Variants in MYH6 observed in about 807,000 individuals in gnomAD.
MYH6 encodes myosin-6.
A neutral mutation model predicts 223.2 loss-of-function variants in MYH6; 126 were observed. That is an observed-to-expected ratio of 0.56 (90% CI 0.49 to 0.65). MYH6 has a LOEUF of 0.65. Among genes scored for constraint, MYH6 ranks in the 30% least tolerant of loss-of-function variants. The pLI is 0.00. For synonymous variants in MYH6, 978 were observed against 1,010.2 expected (o/e 0.97, Z 0.61); for missense variants, 2,040 against 2,536.4 (o/e 0.80, Z 4.20).
At chr14:23,396,167 G>C in intron 20 of MYH6, 117 bp downstream of exon 20, 1 of 1,318,114 alleles carries the variant, frequency 7.6e-7, no homozygotes, top group Non-Finnish European at 1.1e-6. Flanking sequence ...AAGTGGTAAA[G>C]TAACTTGCCC....
intron 20 of MYH6, 57 bp from the exon 21 acceptor site, chr14:23,394,380 T>C: frequency 6.2e-7 from 1 of 1,609,132 alleles, no homozygotes; most frequent in South Asian, 1.1e-5. Flanking sequence ...TTCCCAATCA[T>C]GGGCCCTACT....
Position 23,386,411 on chromosome 14 carries a change from T to C in MYH6, c.4863A>G (p.Glu1621=), listed in dbSNP as rs1595049480. ...NEVLRVKKKM[E]GDLNEMEIQL... is the part of the protein sequence containing the mutation. Reference sequence around the variant, plus strand: ...GGATCTCCATCTCATTGAGGTCTCCTTCCATCTTCTTCTTCACCCTCAGGA... The same window carrying C: ...GGATCTCCATCTCATTGAGGTCTCCCTCCATCTTCTTCTTCACCCTCAGGA... Residue 1621 remains glutamate, a synonymous_variant, in exon 33 of 39, where the codon GAA becomes GAG. Transcript: ENST00000405093. 3 of 1,614,178 alleles carry C rather than the reference T, an allele frequency of 1.9e-6. No individual in the cohort carries two copies. Among genetic ancestry groups the C allele is most frequent in the Non-Finnish European group, 2.5e-6 (3 of 1,180,024 alleles).
intron 15 of MYH6, among the ~76,000 whole-genome samples, chr14:23,398,448 C>A (rs1229244400): frequency 2.0e-5 from 3 of 152,212 alleles, no homozygotes; most frequent in Non-Finnish European, 4.4e-5. Flanking sequence ...TCGTTCCCTG[C>A]TGGGCATGGT....
At chr14:23,385,521 G>A (rs1285764841) in intron 34 of MYH6, among the ~76,000 whole-genome samples, 6 of 151,292 alleles carry the variant, frequency 4.0e-5, no homozygotes, top group African/African-American at 1.5e-4. Context: ...TCATTGCAGA[G>A]TATAACTGAA....
intron 25 of MYH6, 60 bp from the exon 26 acceptor site, chr14:23,390,506 G>A (rs537378522): frequency 1.3e-5 from 20 of 1,585,822 alleles, no homozygotes; most frequent in South Asian, 7.9e-5. Flanking sequence ...GAATCCCCCC[G>A]GCTCTGAAAA....
chr14:23,402,439 A>G (rs777551229), intron 12 of MYH6, 25 bp downstream of exon 12: 4 of 1,611,542 alleles, frequency 2.5e-6, no homozygotes, highest in South Asian at 1.1e-5. Flanking sequence ...AGGCCTTCCC[A>G]GGGCTGCCTG....
chr14:23,397,948 T>TCTTCTC (rs1891462311), intron 15 of MYH6, among the ~76,000 whole-genome samples: 1 of 72,286 alleles, frequency 1.4e-5, no homozygotes, highest in Admixed American at 1.5e-4. Context: ...TTCTTCTTCT[T>TCTTCTC]CTTCTTCTTC....
chr14:23,397,940 C>CTTCTTCTTCTTCTTCTTT (rs1891458480), intron 15 of MYH6, among the ~76,000 whole-genome samples: 5 of 53,250 alleles, frequency 9.4e-5, no homozygotes, highest in South Asian at 7.4e-4. Flanking sequence ...TCCTCTTCTT[C>CTTCTTCTTCTTCTTCTTT]TTCTTCTTCT....
chr14:23,383,339 G>GGGGGGCA lies in MYH6; in HGVS notation c.5566-20_5566-19insTGCCCCC. On this transcript the variant is annotated intron_variant, in intron 36 of 38. Coordinates refer to ENST00000405093, the MANE Select transcript of MYH6 (RefSeq NM_002471.4). The stretch of plus-strand genomic sequence containing the variant: ...CCTCTGTCTGGGGGTGGGAGGGTGG[G>GGGGGGCA]AGAAGCTGGTTTGGAGGGGGAGCAA... 9.2e-6 allele frequency: 1 copy of GGGGGGCA among 108,202 alleles called. No homozygotes were observed. The highest frequency in any genetic ancestry group is 1.8e-5 in the Non-Finnish European group (1 of 54,384). The allele number at this position is 108,202 out of a possible 1,614,324, so 6.7% of individuals were successfully genotyped here.
At chr14:23,390,801 A>G (rs1891216896) in intron 25 of MYH6, among the ~76,000 whole-genome samples, 1 of 152,182 alleles carries the variant, frequency 6.6e-6, no homozygotes, top group South Asian at 2.1e-4. Flanking sequence ...CTGTGAGATC[A>G]AGAAGTTCAG....
intron 20 of MYH6, 124 bp downstream of exon 20, chr14:23,396,159 GT>G (rs1891387202): frequency 8.6e-7 from 1 of 1,166,376 alleles, no homozygotes; most frequent in Non-Finnish European, 1.3e-6. Flanking sequence ...GAGATTCGAA[GT>G]GGTAAAGTAA....
intron 20 of MYH6, 133 bp from the exon 21 acceptor site, chr14:23,394,456 A>G: frequency 2.6e-6 from 3 of 1,168,454 alleles, no homozygotes; most frequent in Non-Finnish European, 3.6e-6. Context: ...ACTACACTGA[A>G]CATGGAGTTG....
intron 24 of MYH6, 117 bp from the exon 25 acceptor site, chr14:23,392,769 A>G: frequency 1.4e-6 from 2 of 1,475,500 alleles, no homozygotes; most frequent in South Asian, 2.3e-5. Context: ...TCGCCAGCCC[A>G]GAAAGTGGCG....
chr14:23,406,761 C>T (rs1027398795), intron 3 of MYH6, among the ~76,000 whole-genome samples: 3 of 152,250 alleles, frequency 2.0e-5, no homozygotes, highest in South Asian at 4.1e-4. Flanking sequence ...TCTACAAGAC[C>T]CCTCTTAGGC....
chr14:23,382,349 G>A, intron 38 of MYH6, 79 bp downstream of exon 38: 1 of 1,593,330 alleles, frequency 6.3e-7, no homozygotes. Flanking sequence ...AGGGCAAGCA[G>A]TGCCCACTCT....
chr14:23,399,083 C>T, intron 14 of MYH6, 46 bp from the exon 15 acceptor site: 3 of 1,605,904 alleles, frequency 1.9e-6, no homozygotes, highest in Non-Finnish European at 2.6e-6. Context: ...TGAGCACACT[C>T]CCAGGCTTCC....
Position 23,391,737 on chromosome 14 carries a change from A to G in MYH6, c.3342+825T>C, listed in dbSNP as rs138770783. On this transcript the variant is annotated intron_variant, in intron 25 of 38. Coordinates refer to ENST00000405093, the MANE Select transcript of MYH6 (RefSeq NM_002471.4). ...GGCCATGTAGCTTCTGTAGCTCTAT[A>G]ATGGGGATGGCAGTGGACTTCCAGG... is the stretch of plus-strand genomic sequence containing the variant. Among the ~76,000 whole-genome samples the G allele has an allele frequency of 3.9e-5, 6 of 152,214 alleles. No individual in the cohort carries two copies. The East Asian group carries it at 1.2e-3, about 29-fold the overall frequency.
At position 23,404,388 on chromosome 14, in the gene MYH6, C is replaced by T. The variant is rs940466173; in HGVS notation, c.643G>A (p.Gly215Ser). The T allele has an allele frequency of 1.9e-6, 3 of 1,614,034 alleles. No individual in the cohort carries two copies. The highest frequency in any genetic ancestry group is 1.3e-5 in the African/African-American group (1 of 74,922). Residue 215 changes from glycine (G) to serine (S), a missense_variant and splice_region_variant, in exon 8 of 39, where the codon GGC (glycine) becomes AGC (serine). Coordinates refer to ENST00000405093, the MANE Select transcript of MYH6 (RefSeq NM_002471.4). ...TGGATGATCTGGTCCTCCAGGGTGC[C>T]CTATGAAAGGAGCAGAACTGCATGG... ...GKKDNANANK[G>S]TLEDQIIQAN...
intron 15 of MYH6, among the ~76,000 whole-genome samples, chr14:23,397,929 CTCCTCTTCTTCTTCTTCTTCT>C (rs1595059546): frequency 7.5e-4 from 92 of 123,056 alleles, no homozygotes; most frequent in African/African-American, 2.8e-3. Context: ...CCTCCTCCTC[CTCCTCTTCTTCTTCTTCTTCT>C]TCTTCTTCTT....
Sources: gnomAD v4.1 joint callset for allele counts (sites outside exome capture counted in the v4.1 genomes callset) on GRCh38, gnomAD v4.1.1 for gene constraint, MANE v1.5 for transcripts, NCBI Gene and HGNC (gene_info 2026-07-23, HGNC 2026-07-21) for gene names.